The following BMERB1 variants were observed in gnomAD, a reference collection of about 807,000 sequenced individuals.
BMERB1 encodes bMERB domain-containing protein 1.
Under a neutral mutation model 23.6 loss-of-function variants are expected in BMERB1, and 12 were observed. The observed-to-expected ratio is 0.51, with a 90% CI of 0.33 to 0.82. The LOEUF (loss-of-function observed/expected upper bound fraction) is 0.82. Ranked by LOEUF, BMERB1 falls within the 40% of genes least tolerant of loss-of-function variation. BMERB1 has a pLI of 0.03. For synonymous variants in BMERB1, 122 were observed against 96.6 expected (o/e 1.26, Z -1.54); for missense variants, 247 against 255.4 (o/e 0.97, Z 0.22).
chr16:15,495,887 C>T (rs1203056883), intron 1 of BMERB1, among the ~76,000 whole-genome samples: 2 of 152,126 alleles, frequency 1.3e-5, no homozygotes, highest in Admixed American at 6.6e-5. Context: ...GTCCTCTGTG[C>T]TTCCCCAACC....
chr16:15,458,537 A>G, intron 1 of BMERB1, among the ~76,000 whole-genome samples: 1 of 151,850 alleles, frequency 6.6e-6, no homozygotes, highest in East Asian at 1.9e-4. Context: ...CAACATGGTG[A>G]AACCCCATCT....
intron 3 of BMERB1, among the ~76,000 whole-genome samples, chr16:15,569,541 C>T (rs939757355): frequency 1.3e-5 from 2 of 152,172 alleles, no homozygotes; most frequent in African/African-American, 4.8e-5. Flanking sequence ...CATCAGGCCA[C>T]GCCTCCAACA....
intron 5 of BMERB1, chr16:15,584,172 A>T (rs879419818): frequency 8.1e-6 from 5 of 620,312 alleles, no homozygotes; most frequent in Non-Finnish European, 1.2e-5. Context: ...GTGATGATGG[A>T]TCCTGCTGTC....
At chr16:15,528,449 T>C in intron 2 of BMERB1, among the ~76,000 whole-genome samples, 1 of 152,162 alleles carries the variant, frequency 6.6e-6, no homozygotes, top group Non-Finnish European at 1.5e-5. Flanking sequence ...ATTTACACCA[T>C]AGCAAACACC....
At chr16:15,464,292 G>A (rs938650333) in intron 1 of BMERB1, among the ~76,000 whole-genome samples, 25 of 145,498 alleles carry the variant, frequency 1.7e-4, no homozygotes, top group Middle Eastern at 3.7e-3. Context: ...CAGTCTGGGC[G>A]ACAGAGTGAG....
In BMERB1 at chr16:15,587,040, C is replaced by G; in HGVS notation, c.*211C>G. Reference sequence around the variant, plus strand: ...GAGTCTCTCACCGTCGCATGGTCCTCCCCAGAGCATGCCGAACCCAGGAGT... The same window carrying G: ...GAGTCTCTCACCGTCGCATGGTCCTGCCCAGAGCATGCCGAACCCAGGAGT... On this transcript the variant is annotated 3_prime_UTR_variant, in exon 6 of 6. Transcript: ENST00000300006. The G allele has an allele frequency of 9.2e-6, 5 of 544,418 alleles. No individual in the cohort carries two copies. In the South Asian group the frequency reaches 1.3e-4, roughly 14 times the overall value. The allele number at this position is 544,418 out of a possible 1,614,324, so 33.7% of individuals were successfully genotyped here.
intron 1 of BMERB1, among the ~76,000 whole-genome samples, chr16:15,472,534 A>G (rs935974244): frequency 2.6e-5 from 4 of 152,108 alleles, no homozygotes; most frequent in African/African-American, 4.8e-5. Flanking sequence ...TTTAAAGTCT[A>G]CTTTATCTGG....
intron 1 of BMERB1, among the ~76,000 whole-genome samples, chr16:15,452,352 G>GAGAGAGAGAA (rs1567451664): frequency 6.6e-6 from 1 of 150,710 alleles, no homozygotes; most frequent in Non-Finnish European, 1.5e-5. Context: ...GAGAGAGAGA[G>GAGAGAGAGAA]AGAAAGAAAG....
intron 2 of BMERB1, among the ~76,000 whole-genome samples, chr16:15,557,518 G>C (rs939098349): frequency 6.6e-6 from 1 of 152,178 alleles, no homozygotes; most frequent in African/African-American, 2.4e-5. Flanking sequence ...TGTATGTCTT[G>C]ATCCAATACA....
chr16:15,478,768 TCA>T (rs1053086598), intron 1 of BMERB1, among the ~76,000 whole-genome samples: 2 of 152,218 alleles, frequency 1.3e-5, no homozygotes, highest in African/African-American at 4.8e-5. Flanking sequence ...GGCCATGTAT[TCA>T]CAGTTAAACA....
At chr16:15,457,623 C>T (rs542267952) in intron 1 of BMERB1, among the ~76,000 whole-genome samples, 16 of 152,194 alleles carry the variant, frequency 1.1e-4, no homozygotes, top group African/African-American at 3.9e-4. Context: ...CTGTTCTCAC[C>T]TCCTTTCATT....
intron 1 of BMERB1, among the ~76,000 whole-genome samples, chr16:15,477,952 G>A (rs1296930948): frequency 6.6e-6 from 1 of 152,144 alleles, no homozygotes; most frequent in African/African-American, 2.4e-5. Flanking sequence ...GACCTGGGAA[G>A]AATGACACTA....
chr16:15,537,171 A>T (rs558396163), intron 2 of BMERB1, among the ~76,000 whole-genome samples: 2 of 152,290 alleles, frequency 1.3e-5, no homozygotes, highest in South Asian at 4.1e-4. Context: ...AGAAAATTAT[A>T]AGCACAGGCT....
chr16:15,497,430 A>G (rs1176415372), intron 1 of BMERB1, among the ~76,000 whole-genome samples: 2 of 152,204 alleles, frequency 1.3e-5, no homozygotes, highest in Non-Finnish European at 2.9e-5. Flanking sequence ...CTCCTGAGGA[A>G]GGAACTCAGA....
chr16:15,564,948 A>T (rs535772499), intron 2 of BMERB1, among the ~76,000 whole-genome samples: 2 of 152,316 alleles, frequency 1.3e-5, no homozygotes, highest in South Asian at 4.1e-4. Context: ...AAAGCCAGGA[A>T]GAACAACTTT....
At chr16:15,584,853 G>A (rs1036744897) in intron 5 of BMERB1, among the ~76,000 whole-genome samples, 1 of 152,116 alleles carries the variant, frequency 6.6e-6, no homozygotes, top group African/African-American at 2.4e-5. Context: ...TAAGTCTCAG[G>A]GAAATATTCT....
intron 2 of BMERB1, among the ~76,000 whole-genome samples, chr16:15,523,306 AG>A (rs2150956673): frequency 6.6e-6 from 1 of 152,172 alleles, no homozygotes; most frequent in Non-Finnish European, 1.5e-5. Context: ...GTCACCTGCT[AG>A]GGTCTTGGGG....
At chr16:15,507,514 A>C (rs2051605840) in intron 1 of BMERB1, among the ~76,000 whole-genome samples, 1 of 152,112 alleles carries the variant, frequency 6.6e-6, no homozygotes, top group Non-Finnish European at 1.5e-5. Context: ...CTGTGCCTTC[A>C]TGCTTTGCTG....
intron 1 of BMERB1, among the ~76,000 whole-genome samples, chr16:15,488,820 A>G (rs1480716295): frequency 6.6e-6 from 1 of 151,306 alleles, no homozygotes; most frequent in Non-Finnish European, 1.5e-5. Context: ...TCCGTCTCAA[A>G]AAAAAAAAAA....
Sources: allele counts gnomAD v4.1 joint callset (sites outside exome capture counted in the v4.1 genomes callset), GRCh38; gene constraint gnomAD v4.1.1; transcripts MANE v1.5; gene names NCBI Gene and HGNC (gene_info 2026-07-23, HGNC 2026-07-21).